Variants in KIAA1217 observed in about 807,000 individuals in gnomAD.
KIAA1217 encodes KIAA1217.
KIAA1217 carries 88 observed loss-of-function variants against 163.9 expected under a neutral mutation model. That is an observed-to-expected ratio of 0.54 (90% CI 0.45 to 0.64). The LOEUF is 0.64. Ranked by LOEUF, KIAA1217 falls within the 30% of genes least tolerant of loss-of-function variation. The pLI, the probability that KIAA1217 is intolerant of heterozygous loss-of-function variation, is 0.00. For synonymous variants in KIAA1217, 903 were observed against 923.1 expected, an observed-to-expected ratio of 0.98 and a Z score of 0.39; for missense variants, 2,372 against 2,475.0, an observed-to-expected ratio of 0.96 and a Z score of 0.88.
chr10:24,267,850 G>T (rs942490659), intron 2 of KIAA1217, among the ~76,000 whole-genome samples: 5 of 152,164 alleles, frequency 3.3e-5, no homozygotes, highest in African/African-American at 1.2e-4. Flanking sequence ...ACTGCTGCAT[G>T]GTTTGCCTAA....
At chr10:23,766,078 T>A (rs1374513359) in intron 1 of KIAA1217, among the ~76,000 whole-genome samples, 1 of 152,218 alleles carries the variant, frequency 6.6e-6, no homozygotes, top group African/African-American at 2.4e-5. Flanking sequence ...TTGCTGAATC[T>A]TTTAATTAGC....
At chr10:24,447,411 G>A (rs775311986) in intron 5 of KIAA1217, among the ~76,000 whole-genome samples, 104 of 151,898 alleles carry the variant, frequency 6.8e-4, no homozygotes, top group Middle Eastern at 3.4e-3. Flanking sequence ...AACAGGCCCC[G>A]GTGTGTGATG....
intron 2 of KIAA1217, among the ~76,000 whole-genome samples, chr10:24,280,173 G>T (rs182708536): frequency 6.6e-6 from 1 of 152,280 alleles, no homozygotes; most frequent in African/African-American, 2.4e-5. Context: ...TGGTGATTAC[G>T]TATGTCAAAA....
chr10:24,214,240 G>A (rs1302559057), intron 1 of KIAA1217, among the ~76,000 whole-genome samples: 1 of 152,200 alleles, frequency 6.6e-6, no homozygotes, highest in Admixed American at 6.5e-5. Context: ...CCGATTATGT[G>A]TATTAATCAG....
intron 2 of KIAA1217, among the ~76,000 whole-genome samples, chr10:24,024,141 G>A (rs1218575637): frequency 3.3e-5 from 5 of 151,390 alleles, no homozygotes; most frequent in Non-Finnish European, 3.0e-5. Context: ...GCTTTATTGA[G>A]CTATAATTTA....
At chr10:23,910,818 C>A (rs1423388660) in intron 1 of KIAA1217, among the ~76,000 whole-genome samples, 1 of 152,152 alleles carries the variant, frequency 6.6e-6, no homozygotes, top group Non-Finnish European at 1.5e-5. Flanking sequence ...GAAATCAAAC[C>A]CCAGGGTCCA....
At chr10:23,793,834 G>C (rs1836076027) in intron 1 of KIAA1217, among the ~76,000 whole-genome samples, 1 of 152,050 alleles carries the variant, frequency 6.6e-6, no homozygotes, top group Non-Finnish European at 1.5e-5. Flanking sequence ...AGATAAGTTG[G>C]GCTTCTGTCA....
At position 24,546,432 on chromosome 10, in the gene KIAA1217, C is replaced by A. The variant is rs2075726372; in HGVS notation, c.*108C>A. On this transcript the variant is annotated 3_prime_UTR_variant, in exon 21 of 21. Coordinates refer to ENST00000376454, the MANE Select transcript of KIAA1217 (RefSeq NM_019590.5). ...TAACATATTGCTGTATCGTTTGAGGCTTAATGCTAAATATGTGCTAAATAC... is the reference window on the plus strand; with the variant it reads ...TAACATATTGCTGTATCGTTTGAGGATTAATGCTAAATATGTGCTAAATAC... 1 of 1,123,900 alleles carries A rather than the reference C, an allele frequency of 8.9e-7. No individual in the cohort carries two copies. The highest frequency in any genetic ancestry group is 1.3e-6 in the Non-Finnish European group (1 of 799,594). The allele number at this position is 1,123,900 out of a possible 1,614,324, so 69.6% of individuals were successfully genotyped here. A position where few individuals can be genotyped will look rare whatever the true frequency, so the allele number is the denominator to read the frequency against.
intron 3 of KIAA1217, among the ~76,000 whole-genome samples, chr10:24,413,869 T>G (rs2058019054): frequency 6.6e-6 from 1 of 152,142 alleles, no homozygotes; most frequent in South Asian, 2.1e-4. Flanking sequence ...CCCTGTTTTG[T>G]CTTTTTCCCT....
intron 16 of KIAA1217, among the ~76,000 whole-genome samples, chr10:24,534,098 G>A (rs1156713168): frequency 6.6e-6 from 1 of 152,184 alleles, no homozygotes; most frequent in African/African-American, 2.4e-5. Flanking sequence ...CGTACCAATG[G>A]CTTTGTGCCA....
chr10:24,087,456 T>A (rs970495845), intron 2 of KIAA1217, among the ~76,000 whole-genome samples: 14 of 152,236 alleles, frequency 9.2e-5, no homozygotes, highest in Non-Finnish European at 4.4e-5. Context: ...TTAAAATTCT[T>A]AACTAGAGGG....
At chr10:24,110,230 A>G (rs2062794276) in intron 2 of KIAA1217, among the ~76,000 whole-genome samples, 1 of 152,170 alleles carries the variant, frequency 6.6e-6, no homozygotes, top group Admixed American at 6.5e-5. Context: ...GTACATTTGT[A>G]TCAATTATAG....
At chr10:24,441,122 G>A (rs1412495428) in intron 5 of KIAA1217, among the ~76,000 whole-genome samples, 6 of 152,162 alleles carry the variant, frequency 3.9e-5, no homozygotes, top group Non-Finnish European at 5.9e-5. Flanking sequence ...GCTGCAGCGT[G>A]GGGTTAGGGA....
Position 24,231,387 on chromosome 10 carries a change from GA to G in KIAA1217, c.354+11484del, listed in dbSNP as rs373497425. Among the ~76,000 whole-genome samples the G allele has an allele frequency of 5.8e-4, 88 of 152,308 alleles. No homozygotes were observed. The East Asian group carries it at 7.7e-3, about 13-fold the overall frequency. On this transcript the variant is annotated intron_variant, in intron 2 of 20. Transcript: ENST00000376454. ...TGAGTACGCAGAAAGTGAAAACTGAGAAAAAACCATTTTCAGAGCAAGCACT... is the reference window on the plus strand; with the variant it reads ...TGAGTACGCAGAAAGTGAAAACTGAGAAAAACCATTTTCAGAGCAAGCACT...
chr10:24,130,198 C>T (rs1391396880), intron 2 of KIAA1217, among the ~76,000 whole-genome samples: 12 of 152,068 alleles, frequency 7.9e-5, no homozygotes, highest in Admixed American at 3.9e-4. Flanking sequence ...GACAGAGTTT[C>T]ACTCTGTCTC....
At chr10:24,173,958 G>A (rs1402856899) in intron 2 of KIAA1217, among the ~76,000 whole-genome samples, 10 of 152,156 alleles carry the variant, frequency 6.6e-5, no homozygotes, top group Non-Finnish European at 1.3e-4. Flanking sequence ...TGTCCCATGG[G>A]GCTGTCTTGT....
At chr10:24,517,389 GGATA>G (rs2070364232) in intron 10 of KIAA1217, among the ~76,000 whole-genome samples, 2 of 151,982 alleles carry the variant, frequency 1.3e-5, no homozygotes, top group South Asian at 4.2e-4. Flanking sequence ...TTAAGGTGAC[GGATA>G]TCCCAAGTAC....
intron 2 of KIAA1217, among the ~76,000 whole-genome samples, chr10:24,337,635 CTTTTCTTTTCTTTTCTTTTT>C (rs1168060353): frequency 1.8e-5 from 1 of 56,254 alleles, no homozygotes; most frequent in Non-Finnish European, 3.3e-5. Context: ...CTTTTCTTTT[CTTTTCTTTTCTTTTCTTTTT>C]TTTTTTTGAG....
At chr10:23,806,786 C>A (rs1243656726) in intron 1 of KIAA1217, among the ~76,000 whole-genome samples, 1 of 152,144 alleles carries the variant, frequency 6.6e-6, no homozygotes, top group South Asian at 2.1e-4. Context: ...TTTGCCTTCA[C>A]TGTACATTTT....
Sources: allele counts gnomAD v4.1 joint callset (sites outside exome capture counted in the v4.1 genomes callset), GRCh38; gene constraint gnomAD v4.1.1; transcripts MANE v1.5; gene names NCBI Gene and HGNC (gene_info 2026-07-23, HGNC 2026-07-21).